Variants in CCSER1 observed in about 807,000 individuals in gnomAD.
CCSER1 encodes the protein serine-rich coiled-coil domain-containing protein 1.
A neutral mutation model predicts 82.0 loss-of-function variants in CCSER1; 41 were observed. That is an observed-to-expected ratio of 0.50 (90% CI 0.39 to 0.65). The LOEUF (loss-of-function observed/expected upper bound fraction) is 0.65. CCSER1 is among the 30% of genes least tolerant of loss of function. The pLI, the probability that CCSER1 is intolerant of heterozygous loss-of-function variation, is 0.00. For synonymous variants in CCSER1, 414 were observed against 383.9 expected (o/e 1.08, Z -0.92); for missense variants, 1,119 against 1,064.2 (o/e 1.05, Z -0.72).
Position 91,105,480 on chromosome 4 carries a change from C to T in CCSER1, c.2217+19486C>T, listed in dbSNP as rs144975007. ...CAGCACTTTGGGAGGCAGAGGTGGG[C>T]GGATCACAAGGTCAGGAGTTTGAGA... On this transcript the variant is annotated intron_variant, in intron 10 of 10. Coordinates refer to ENST00000509176, the MANE Select transcript of CCSER1 (RefSeq NM_001145065.2). 2.2e-3 allele frequency among the ~76,000 whole-genome samples: 338 copies of T among 151,580 alleles called. 5 individuals carry two copies. Among genetic ancestry groups the T allele is most frequent in the African/African-American group, 7.0e-3 (291 of 41,338 alleles).
chr4:90,485,393 G>A (rs1165144510), intron 5 of CCSER1, among the ~76,000 whole-genome samples: 1 of 152,072 alleles, frequency 6.6e-6, no homozygotes, highest in Non-Finnish European at 1.5e-5. Context: ...TGCACCCACT[G>A]TCTGGCACTC....
chr4:90,828,704 TG>T (rs1760785368), intron 8 of CCSER1, among the ~76,000 whole-genome samples: 1 of 152,176 alleles, frequency 6.6e-6, no homozygotes, highest in Non-Finnish European at 1.5e-5. Flanking sequence ...TATCATTACT[TG>T]TTTTTCCCTC....
intron 10 of CCSER1, among the ~76,000 whole-genome samples, chr4:91,328,446 C>G (rs1237421677): frequency 6.6e-6 from 1 of 152,156 alleles, no homozygotes; most frequent in African/African-American, 2.4e-5. Context: ...ATCACAAGAA[C>G]AGCAAAGGAG....
At chr4:91,245,246 A>G (rs1486692234) in intron 10 of CCSER1, among the ~76,000 whole-genome samples, 1 of 152,196 alleles carries the variant, frequency 6.6e-6, no homozygotes, top group East Asian at 1.9e-4. Flanking sequence ...ATAATAACAG[A>G]GAACTTTTGA....
At chr4:90,932,243 G>T (rs11946118) in intron 9 of CCSER1, among the ~76,000 whole-genome samples, 64,568 of 151,854 alleles carry the variant, frequency 0.43, 14,296 homozygotes, top group African/African-American at 0.55. Context: ...TCAGAGTACT[G>T]AAAGCATCAA....
At chr4:91,375,286 A>G (rs1750325756) in intron 10 of CCSER1, among the ~76,000 whole-genome samples, 1 of 152,202 alleles carries the variant, frequency 6.6e-6, no homozygotes, top group Non-Finnish European at 1.5e-5. Context: ...TCCTGAAGAT[A>G]TGACTGAATT....
In CCSER1 at chr4:90,309,610, T is replaced by C; in HGVS notation, c.1324+2T>C. 1 of 1,550,886 alleles carries C rather than the reference T, an allele frequency of 6.4e-7. No individual in the cohort carries two copies. Among genetic ancestry groups the C allele is most frequent in the Non-Finnish European group, 8.7e-7 (1 of 1,153,074 alleles). ...GATATGAAGCAAATCCTGCCAAAGGTATGCTGATTTTTTTTGTATAACAAA... is the reference window on the plus strand; with the variant it reads ...GATATGAAGCAAATCCTGCCAAAGGCATGCTGATTTTTTTTGTATAACAAA... On this transcript the variant is annotated splice_donor_variant, in intron 2 of 10. Coordinates refer to ENST00000509176, the MANE Select transcript of CCSER1 (RefSeq NM_001145065.2). LOFTEE classifies it high-confidence loss of function.
intron 4 of CCSER1, among the ~76,000 whole-genome samples, chr4:90,411,899 A>C (rs910414600): frequency 6.6e-6 from 1 of 152,168 alleles, no homozygotes; most frequent in Non-Finnish European, 1.5e-5. Context: ...AAATCTCCTT[A>C]AGCTGATAAG....
chr4:90,170,921 T>C (rs768026686), intron 1 of CCSER1, among the ~76,000 whole-genome samples: 1 of 151,858 alleles, frequency 6.6e-6, no homozygotes, highest in Non-Finnish European at 1.5e-5. Flanking sequence ...GCTCAATTTC[T>C]AGTATTTGAT....
chr4:90,724,631 G>A (rs1457791396), intron 7 of CCSER1: 3 of 368,544 alleles, frequency 8.1e-6, no homozygotes, highest in African/African-American at 4.3e-5. Context: ...GTTTGTACTG[G>A]GGTATTTAGA....
At chr4:90,252,976 A>C (rs1013850766) in intron 1 of CCSER1, among the ~76,000 whole-genome samples, 2 of 151,848 alleles carry the variant, frequency 1.3e-5, no homozygotes, top group Non-Finnish European at 2.9e-5. Flanking sequence ...CATACTTTGA[A>C]TTTTGTTGTT....
intron 1 of CCSER1, among the ~76,000 whole-genome samples, chr4:90,160,025 T>A (rs1003721000): frequency 1.3e-5 from 2 of 152,200 alleles, no homozygotes; most frequent in Non-Finnish European, 2.9e-5. Flanking sequence ...TAGGTAGTGG[T>A]GTTATTCTCA....
At chr4:91,369,742 C>T in intron 10 of CCSER1, among the ~76,000 whole-genome samples, 1 of 133,874 alleles carries the variant, frequency 7.5e-6, no homozygotes, top group Non-Finnish European at 1.5e-5. Flanking sequence ...GATCTTGGCT[C>T]ACTGCAACCT....
intron 6 of CCSER1, among the ~76,000 whole-genome samples, chr4:90,704,793 C>T (rs1024910499): frequency 2.6e-5 from 4 of 152,160 alleles, no homozygotes; most frequent in Non-Finnish European, 2.9e-5. Context: ...GCATTTGTCA[C>T]GTAGTTCTCA....
intron 5 of CCSER1, among the ~76,000 whole-genome samples, chr4:90,501,004 A>T (rs1000675468): frequency 3.9e-5 from 6 of 152,116 alleles, no homozygotes; most frequent in Non-Finnish European, 7.4e-5. Context: ...TATAAAGAAT[A>T]TATAGAGCAA....
intron 7 of CCSER1, among the ~76,000 whole-genome samples, chr4:90,735,736 T>G (rs1027163216): frequency 2.6e-5 from 4 of 152,094 alleles, no homozygotes; most frequent in Non-Finnish European, 5.9e-5. Flanking sequence ...TGATCTGTAT[T>G]ATTTATTTTA....
chr4:90,684,094 T>C (rs1734376383), intron 6 of CCSER1, among the ~76,000 whole-genome samples: 1 of 152,174 alleles, frequency 6.6e-6, no homozygotes, highest in South Asian at 2.1e-4. Context: ...CTTTCAAAAT[T>C]TGAAACATTC....
intron 10 of CCSER1, among the ~76,000 whole-genome samples, chr4:91,457,602 C>T (rs1329732910): frequency 3.3e-5 from 5 of 151,960 alleles, no homozygotes; most frequent in Non-Finnish European, 5.9e-5. Context: ...ACCAGGAGGT[C>T]GAGGCTGAAG....
chr4:91,150,039 G>A lies in CCSER1; in HGVS notation c.2217+64045G>A, dbSNP rs191208934. ...AGAAAGTCATTGGTAGCTTGATGGG[G>A]ATGGCATTGAATCTATAAATTACCT... On this transcript the variant is annotated intron_variant, in intron 10 of 10. Coordinates refer to ENST00000509176, the MANE Select transcript of CCSER1 (RefSeq NM_001145065.2). Among the ~76,000 whole-genome samples, 29 of 152,202 alleles carry A rather than the reference G, an allele frequency of 1.9e-4. No individual in the cohort carries two copies. The East Asian group carries it at 5.6e-3, about 29-fold the overall frequency.
Sources: allele counts gnomAD v4.1 joint callset (sites outside exome capture counted in the v4.1 genomes callset), GRCh38; gene constraint gnomAD v4.1.1; transcripts MANE v1.5; gene names NCBI Gene and HGNC (gene_info 2026-07-23, HGNC 2026-07-21).